The following GPC5 variants were observed in gnomAD, a reference collection of about 807,000 sequenced individuals.
GPC5 encodes glypican 5, also known as glypican-5.
A neutral mutation model predicts 53.9 loss-of-function variants in GPC5; 47 were observed. The observed-to-expected ratio is 0.87, with a 90% confidence interval of 0.69 to 1.11. The LOEUF is 1.11. GPC5 is among the 50% of genes most tolerant of loss of function. The probability of loss-of-function intolerance (pLI) is 0.00; values close to 1 mark genes in which losing one functional copy is unlikely to be tolerated. For synonymous variants in GPC5, 286 were observed against 263.3 expected (o/e 1.09, Z -0.84); for missense variants, 748 against 713.1 (o/e 1.05, Z -0.56).
At chr13:92,035,194 G>A (rs997979570) in intron 6 of GPC5, among the ~76,000 whole-genome samples, 9 of 131,172 alleles carry the variant, frequency 6.9e-5, no homozygotes, top group East Asian at 4.5e-4. Flanking sequence ...CAGCCTGGGC[G>A]ACAGAGCGAG....
At chr13:92,706,385 G>A (rs970134712) in intron 7 of GPC5, among the ~76,000 whole-genome samples, 2 of 151,824 alleles carry the variant, frequency 1.3e-5, no homozygotes, top group Non-Finnish European at 2.9e-5. Flanking sequence ...ATATTGGTCT[G>A]ATCATCTGGC....
intron 7 of GPC5, among the ~76,000 whole-genome samples, chr13:92,425,085 C>T (rs759989502): frequency 6.6e-6 from 1 of 151,946 alleles, no homozygotes. Flanking sequence ...TCTAGTTTCT[C>T]ACATTTAATT....
At position 92,711,437 on chromosome 13, in the gene GPC5, A is replaced by G. The variant is rs566787934; in HGVS notation, c.1562-154845A>G. Among the ~76,000 whole-genome samples, 3 of 152,278 alleles carry G rather than the reference A, an allele frequency of 2.0e-5. No homozygotes were observed. The East Asian group carries it at 5.8e-4, about 29-fold the overall frequency. ...ATATACCCATTTATCATTTAAATAT[A>G]CCCACTGTAAACTTTTATTTTTATT... On this transcript the variant is annotated intron_variant, in intron 7 of 7. Transcript: ENST00000377067.
intron 7 of GPC5, among the ~76,000 whole-genome samples, chr13:92,483,419 A>G (rs1879430111): frequency 1.3e-5 from 2 of 152,180 alleles, no homozygotes; most frequent in Non-Finnish European, 2.9e-5. Context: ...CTAAACATAG[A>G]GAAGATACTG....
At chr13:91,619,588 CT>C (rs1450308369) in intron 2 of GPC5, among the ~76,000 whole-genome samples, 13 of 151,984 alleles carry the variant, frequency 8.6e-5, no homozygotes, top group Non-Finnish European at 1.8e-4. Flanking sequence ...TGATTCAGAC[CT>C]TTGGGGAGAC....
intron 6 of GPC5, among the ~76,000 whole-genome samples, chr13:92,031,745 ATATATAT>A (rs1267403097): frequency 5.8e-5 from 5 of 86,134 alleles, no homozygotes; most frequent in South Asian, 5.8e-4. Context: ...ATTATATATA[ATATATAT>A]TATATTACAT....
At chr13:91,571,133 T>C (rs1180629375) in intron 2 of GPC5, among the ~76,000 whole-genome samples, 2 of 152,164 alleles carry the variant, frequency 1.3e-5, no homozygotes. Context: ...ACAACATTAA[T>C]GGTCCTTCTT....
chr13:92,807,596 T>C (rs918647227), intron 7 of GPC5, among the ~76,000 whole-genome samples: 1 of 152,090 alleles, frequency 6.6e-6, no homozygotes, highest in African/African-American at 2.4e-5. Flanking sequence ...CCGCGTTTGT[T>C]TCTTCTGGCA....
chr13:92,768,536 T>C (rs1875495582), intron 7 of GPC5, among the ~76,000 whole-genome samples: 1 of 152,222 alleles, frequency 6.6e-6, no homozygotes, highest in African/African-American at 2.4e-5. Flanking sequence ...TTTCCTGCAC[T>C]GGGTTCAAGC....
chr13:91,554,088 A>G (rs2030803798), intron 2 of GPC5, among the ~76,000 whole-genome samples: 1 of 152,060 alleles, frequency 6.6e-6, no homozygotes, highest in African/African-American at 2.4e-5. Flanking sequence ...CTTTTTATCT[A>G]GTAACTACAT....
At chr13:92,032,025 A>G (rs2040856050) in intron 6 of GPC5, among the ~76,000 whole-genome samples, 1 of 135,100 alleles carries the variant, frequency 7.4e-6, no homozygotes, top group African/African-American at 2.7e-5. Context: ...TAATATATAT[A>G]AAATATATAA....
chr13:92,491,829 A>G (rs2138913061), intron 7 of GPC5, among the ~76,000 whole-genome samples: 1 of 152,286 alleles, frequency 6.6e-6, no homozygotes, highest in Middle Eastern at 3.4e-3. Flanking sequence ...TCATAAAATT[A>G]TTATACTATG....
intron 6 of GPC5, among the ~76,000 whole-genome samples, chr13:92,079,755 A>G (rs2041280690): frequency 6.6e-6 from 1 of 152,142 alleles, no homozygotes; most frequent in Admixed American, 6.6e-5. Flanking sequence ...CTTGCCATTC[A>G]TTTCTTTGCA....
At chr13:91,914,606 G>A (rs1451611266) in intron 6 of GPC5, among the ~76,000 whole-genome samples, 1 of 151,582 alleles carries the variant, frequency 6.6e-6, no homozygotes, top group Non-Finnish European at 1.5e-5. Context: ...GAGACACTCT[G>A]ATTTTAGTAG....
intron 2 of GPC5, among the ~76,000 whole-genome samples, chr13:91,544,213 T>G (rs1438681985): frequency 2.7e-5 from 1 of 36,568 alleles, no homozygotes; most frequent in Non-Finnish European, 1.3e-4. Flanking sequence ...CATTGGCTAA[T>G]TGACTTAGGA....
chr13:91,499,611 T>G (rs779225855), intron 2 of GPC5, among the ~76,000 whole-genome samples: 12 of 152,234 alleles, frequency 7.9e-5, no homozygotes, highest in Non-Finnish European at 1.8e-4. Flanking sequence ...TCACTTCTGC[T>G]GAGCCATGTA....
Position 91,468,874 on chromosome 13 carries a change from C to CTTT in GPC5, c.325+19967_325+19969dup, listed in dbSNP as rs5805695. Reference sequence around the variant, plus strand: ...TTTTCTTCGTAGCTAAGATAATGGTCTTTTTTTTTTTTTTTTTAAATGAGA... The same window carrying CTTT: ...TTTTCTTCGTAGCTAAGATAATGGTCTTTTTTTTTTTTTTTTTTTTAAATGAGA... On this transcript the variant is annotated intron_variant, in intron 2 of 7. Transcript: ENST00000377067. Among the ~76,000 whole-genome samples, 788 of 135,024 alleles carry CTTT rather than the reference C, an allele frequency of 5.8e-3. 2 individuals carry two copies. The highest frequency in any genetic ancestry group is 0.025 in the Middle Eastern group (6 of 240). 88.6% of individuals were successfully genotyped at this position (135,024 alleles called of 152,430 possible).
intron 3 of GPC5, among the ~76,000 whole-genome samples, chr13:91,722,732 G>T (rs1333756043): frequency 6.6e-6 from 1 of 152,112 alleles, no homozygotes; most frequent in Non-Finnish European, 1.5e-5. Context: ...AAACTGAAAG[G>T]ATCCATGCCT....
rs562251801 is a variant in GPC5, at chr13:91,744,174, G to A, written c.1155-12121G>A. Among the ~76,000 whole-genome samples the A allele has an allele frequency of 2.0e-5, 3 of 152,192 alleles. No homozygotes were observed. In the South Asian group the frequency reaches 6.2e-4, roughly 32 times the overall value. The stretch of plus-strand genomic sequence containing the variant: ...ACATATATGGATTAACATAATGGAA[G>A]GATGCATAACCTTAATCCTTATCAC... On this transcript the variant is annotated intron_variant, in intron 4 of 7. Transcript: ENST00000377067.
Sources: allele counts gnomAD v4.1 joint callset (sites outside exome capture counted in the v4.1 genomes callset), GRCh38; gene constraint gnomAD v4.1.1; transcripts MANE v1.5; gene names NCBI Gene and HGNC (gene_info 2026-07-23, HGNC 2026-07-21).